The following PPP6R2 variants were observed in gnomAD, a reference collection of about 807,000 sequenced individuals.
PPP6R2 encodes the protein serine/threonine-protein phosphatase 6 regulatory subunit 2.
In PPP6R2, 62 loss-of-function variants were observed where a neutral mutation model predicts 100.2. The observed-to-expected ratio is 0.62, with a 90% CI of 0.50 to 0.76. The LOEUF is 0.76. PPP6R2 is among the 30% of genes least tolerant of loss of function. PPP6R2 has a pLI of 0.00. For missense variants in PPP6R2, 1,142 were observed against 1,276.3 expected (o/e 0.89, Z 1.60); for synonymous variants, 525 against 514.7 (o/e 1.02, Z -0.27).
chr22:50,335,088 G>A, the PPP6R2 span, among the ~76,000 whole-genome samples: 36 of 152,004 alleles, frequency 2.4e-4, no homozygotes, highest in Non-Finnish European at 3.5e-4. Flanking sequence ...GTCTCGCTCT[G>A]TCGCCCAGGC....
intron 2 of PPP6R2, among the ~76,000 whole-genome samples, chr22:50,378,216 T>G (rs943305788): frequency 6.6e-6 from 1 of 152,176 alleles, no homozygotes; most frequent in Non-Finnish European, 1.5e-5. Flanking sequence ...GCCAGTGGAG[T>G]AATATTTTCA....
At chr22:50,395,917 G>A (rs994937485) in intron 3 of PPP6R2, among the ~76,000 whole-genome samples, 16 of 151,780 alleles carry the variant, frequency 1.1e-4, no homozygotes, top group Admixed American at 2.0e-4. Context: ...ATCGAAGCTC[G>A]GGCATCGTGG....
At chr22:50,334,140 CAG>C in the PPP6R2 span, among the ~76,000 whole-genome samples, 1 of 152,280 alleles carries the variant, frequency 6.6e-6, no homozygotes, top group African/African-American at 2.4e-5. Context: ...CACAGCATCA[CAG>C]AGACGTTTAG....
intron 2 of PPP6R2, among the ~76,000 whole-genome samples, chr22:50,390,123 C>G (rs2055156151): frequency 6.6e-6 from 1 of 151,528 alleles, no homozygotes; most frequent in African/African-American, 2.4e-5. Context: ...TCCCAAGTAG[C>G]TGGGATTACA....
At chr22:50,432,841 G>C (rs574539551) in intron 12 of PPP6R2, among the ~76,000 whole-genome samples, 1 of 152,352 alleles carries the variant, frequency 6.6e-6, no homozygotes, top group East Asian at 1.9e-4. Context: ...ACTCCAGGGA[G>C]CTGGGAGGGG....
chr22:50,411,779 C>T (rs1357561210), intron 4 of PPP6R2, among the ~76,000 whole-genome samples: 1 of 151,380 alleles, frequency 6.6e-6, no homozygotes, highest in East Asian at 2.0e-4. Flanking sequence ...GGCGCAGTGG[C>T]TCACGCCTGT....
chr22:50,368,372 T>C (rs1276899235), intron 1 of PPP6R2, among the ~76,000 whole-genome samples: 1 of 151,948 alleles, frequency 6.6e-6, no homozygotes, highest in African/African-American at 2.4e-5. Context: ...GACCAAGGAG[T>C]CCTTTAGTGG....
rs1312426173 is a variant in PPP6R2 at position 50,343,499 on chromosome 22, G to T, written c.-199G>T. 1 of 151,068 alleles carries T rather than the reference G, an allele frequency of 6.6e-6. No homozygotes were observed. The highest frequency in any genetic ancestry group is 1.5e-5 in the Non-Finnish European group (1 of 67,418). The allele number at this position is 151,068 out of a possible 1,614,324, so 9.4% of individuals were successfully genotyped here. A position where few individuals can be genotyped will look rare whatever the true frequency, so the allele number is the denominator to read the frequency against. On this transcript the variant is annotated 5_prime_UTR_variant, in exon 1 of 24. Coordinates refer to ENST00000612753, the MANE Select transcript of PPP6R2 (RefSeq NM_001242898.2). ...CACCAGCGCCCTGGCCTCCGCTCGG[G>T]CCTCCACACGGGCCTCCGAAGAGCT...
In PPP6R2 at chr22:50,423,012, G is replaced by A. The variant is rs1453020815; in HGVS notation, c.973-450G>A. Among the ~76,000 whole-genome samples, 1 of 152,148 alleles carries A rather than the reference G, an allele frequency of 6.6e-6. No homozygotes were observed. The highest frequency in any genetic ancestry group is 2.1e-4 in the South Asian group (1 of 4,836). On this transcript the variant is annotated intron_variant, in intron 9 of 23. Coordinates refer to ENST00000612753, the MANE Select transcript of PPP6R2 (RefSeq NM_001242898.2). The surrounding 1 kb of genome is among the most constrained non-coding windows in gnomAD (Gnocchi z 4.8). ...GGATCAGAAAAGACCGCGGTCCATC[G>A]GAGGAGGCATTCCCGTCAGTGTCCC...
chr22:50,424,347 C>T lies in PPP6R2; in HGVS notation c.1125+733C>T, dbSNP rs866633114. 3.5e-4 allele frequency among the ~76,000 whole-genome samples: 44 copies of T among 124,598 alleles called. 2 individuals carry two copies. Among genetic ancestry groups the T allele is most frequent in the South Asian group, 7.7e-4 (3 of 3,890 alleles). The allele number at this position is 124,598 out of a possible 152,430, so 81.7% of individuals were successfully genotyped here. A position where few individuals can be genotyped will look rare whatever the true frequency, so the allele number is the denominator to read the frequency against. Reference sequence around the variant, plus strand: ...TGTCAGCGTGTGGAAGGTCTGTCCGCGTGTGGAAGGTCCGTCCGCGTGTGG... The same window carrying T: ...TGTCAGCGTGTGGAAGGTCTGTCCGTGTGTGGAAGGTCCGTCCGCGTGTGG... On this transcript the variant is annotated intron_variant, in intron 10 of 23. Transcript: ENST00000612753.
intron 13 of PPP6R2, among the ~76,000 whole-genome samples, 190 bp from the exon 14 acceptor site, chr22:50,436,177 C>G (rs2064208682): frequency 6.6e-6 from 1 of 152,224 alleles, no homozygotes; most frequent in South Asian, 2.1e-4. Context: ...GCCCCAGGCC[C>G]CTCCGGACAC....
In PPP6R2 at chr22:50,385,229, G is replaced by A. The variant is rs188168125; in HGVS notation, c.-16-8664G>A. On this transcript the variant is annotated intron_variant, in intron 2 of 23. Coordinates refer to ENST00000612753, the MANE Select transcript of PPP6R2 (RefSeq NM_001242898.2). ...TTTTGTTTTGGAGACAGAATCTCAC[G>A]CCGTCACCCAGGCTGGAGTGCAATG... Among the ~76,000 whole-genome samples the A allele has an allele frequency of 1.1e-3, 170 of 152,074 alleles. 1 individual carries two copies. Among genetic ancestry groups the A allele is most frequent in the Non-Finnish European group, 1.8e-3 (124 of 68,006 alleles).
At chr22:50,442,875 CTT>C (rs1182603305) in intron 22 of PPP6R2, among the ~76,000 whole-genome samples, 1 of 149,622 alleles carries the variant, frequency 6.7e-6, no homozygotes, top group African/African-American at 2.4e-5. Context: ...TCTTAACAGT[CTT>C]TACCCTGCCA....
chr22:50,415,740 A>G (rs1465660801), intron 5 of PPP6R2, among the ~76,000 whole-genome samples: 1 of 152,254 alleles, frequency 6.6e-6, no homozygotes, highest in East Asian at 1.9e-4. Flanking sequence ...CCAGTGCTGC[A>G]GGGAACAGCT....
chr22:50,362,722 T>A (rs2048030887), intron 1 of PPP6R2, among the ~76,000 whole-genome samples: 1 of 152,156 alleles, frequency 6.6e-6, no homozygotes, highest in South Asian at 2.1e-4. Flanking sequence ...ACTGACACCC[T>A]CATACAAAGA....
At chr22:50,369,312 A>G (rs1043022616) in intron 1 of PPP6R2, among the ~76,000 whole-genome samples, 3 of 151,986 alleles carry the variant, frequency 2.0e-5, no homozygotes, top group African/African-American at 7.3e-5. Flanking sequence ...CTGAAAGCCT[A>G]TTTTGAGTTA....
At chr22:50,404,427 G>C (rs1415011820) in intron 3 of PPP6R2, among the ~76,000 whole-genome samples, 1 of 151,704 alleles carries the variant, frequency 6.6e-6, no homozygotes, top group East Asian at 1.9e-4. Flanking sequence ...GTCTTACTCT[G>C]CCACCCAGGC....
At chr22:50,440,140 G>T in intron 21 of PPP6R2, 91 bp downstream of exon 21, 1 of 1,236,424 alleles carries the variant, frequency 8.1e-7, no homozygotes, top group Non-Finnish European at 1.1e-6. Context: ...GTGGGAGGAG[G>T]TGGCCGGGGC....
intron 15 of PPP6R2, among the ~76,000 whole-genome samples, chr22:50,437,302 G>A (rs896586241): frequency 1.5e-4 from 23 of 152,244 alleles, no homozygotes; most frequent in African/African-American, 4.8e-4. Context: ...AATATGGGGC[G>A]TATCTCAGAT....
Sources: allele counts gnomAD v4.1 joint callset (sites outside exome capture counted in the v4.1 genomes callset), GRCh38; gene constraint gnomAD v4.1.1; non-coding constraint Gnocchi (gnomAD v3.1); transcripts MANE v1.5; gene names NCBI Gene and HGNC (gene_info 2026-07-23, HGNC 2026-07-21).